Variants in LOXHD1 observed in about 807,000 individuals in gnomAD.
The protein encoded by LOXHD1 is lipoxygenase homology domain-containing protein 1.
Under a neutral mutation model 248.2 loss-of-function variants are expected in LOXHD1, and 205 were observed. The ratio of observed to expected loss-of-function variants is 0.83; its 90% confidence interval spans 0.74 to 0.93. LOXHD1 has a LOEUF of 0.93. Among genes scored for constraint, LOXHD1 ranks in the 40% least tolerant of loss-of-function variants. LOXHD1 has a pLI of 0.00. For missense variants in LOXHD1, 2,930 were observed against 2,971.6 expected (o/e 0.99, Z 0.33); for synonymous variants, 1,113 against 1,162.8 (o/e 0.96, Z 0.87).
At position 46,557,249 on chromosome 18, in the gene LOXHD1, C is replaced by T. The variant is rs961154774; in HGVS notation, c.3350+107G>A. 5.8e-6 allele frequency: 8 copies of T among 1,389,476 alleles called. No individual in the cohort carries two copies. The Admixed American group carries it at 9.9e-5, about 17-fold the overall frequency. The allele number at this position is 1,389,476 out of a possible 1,614,324, so 86.1% of individuals were successfully genotyped here. On this transcript the variant is annotated intron_variant, in intron 21 of 40. Coordinates refer to ENST00000642948, the MANE Select transcript of LOXHD1 (RefSeq NM_001384474.1). ...TGTCACCCAGCCCACCCTCACCCTC[C>T]ACCGTCACAGCCGGCCCACCCCCAG...
chr18:46,601,612 A>T, intron 7 of LOXHD1, 145 bp from the exon 8 acceptor site: 1 of 1,047,250 alleles, frequency 9.5e-7, no homozygotes, highest in Non-Finnish European at 1.4e-6. Context: ...ACTCCTCCAG[A>T]TGCCACCTAA....
chr18:46,599,076 T>G (rs28667481), intron 8 of LOXHD1, among the ~76,000 whole-genome samples: 2,067 of 152,274 alleles, frequency 0.014, 47 homozygotes, highest in African/African-American at 0.046. Context: ...GAGTGTTATA[T>G]TAGTGCAGAA....
chr18:46,500,869 T>G (rs1275666669), intron 37 of LOXHD1, among the ~76,000 whole-genome samples: 1 of 152,208 alleles, frequency 6.6e-6, no homozygotes. Flanking sequence ...ACACTTCATC[T>G]AATAGCTACT....
intron 36 of LOXHD1, 48 bp downstream of exon 36, chr18:46,507,490 C>T (rs370386856): frequency 3.6e-5 from 55 of 1,547,392 alleles, no homozygotes; most frequent in Middle Eastern, 3.3e-4. Flanking sequence ...CCGAATTTGA[C>T]GGTTGGAGTG....
At chr18:46,485,331 T>C (rs1441975416) in intron 38 of LOXHD1, among the ~76,000 whole-genome samples, 180 bp from the exon 39 acceptor site, 3 of 151,964 alleles carry the variant, frequency 2.0e-5, no homozygotes, top group African/African-American at 7.3e-5. Flanking sequence ...GCCCGGATTC[T>C]GGGGCTACAG....
At chr18:46,483,875 G>A in intron 39 of LOXHD1, 130 bp from the exon 40 acceptor site, 1 of 1,102,316 alleles carries the variant, frequency 9.1e-7, no homozygotes, top group Non-Finnish European at 1.3e-6. Flanking sequence ...AGGAGCTCAT[G>A]GCAGTCCTGG....
intron 4 of LOXHD1, among the ~76,000 whole-genome samples, chr18:46,637,423 T>A (rs2038906773): frequency 6.6e-6 from 1 of 152,210 alleles, no homozygotes; most frequent in Middle Eastern, 3.2e-3. Context: ...AGTGGAACCC[T>A]GGATTTTTGA....
At chr18:46,607,741 G>A (rs2038439564) in intron 6 of LOXHD1, among the ~76,000 whole-genome samples, 1 of 151,982 alleles carries the variant, frequency 6.6e-6, no homozygotes, top group Admixed American at 6.6e-5. Context: ...TGATGTGGTG[G>A]GAATTTGACA....
At chr18:46,603,114 G>A (rs944700876) in intron 7 of LOXHD1, among the ~76,000 whole-genome samples, 4 of 152,158 alleles carry the variant, frequency 2.6e-5, no homozygotes, top group African/African-American at 9.7e-5. Flanking sequence ...CTGCCAAGGA[G>A]CATGGAGCAA....
At position 46,647,496 on chromosome 18, in the gene LOXHD1, G is replaced by A. The variant is rs116318160; in HGVS notation, c.245+1659C>T. Among the ~76,000 whole-genome samples the A allele has an allele frequency of 2.1e-3, 319 of 152,260 alleles. 2 individuals are homozygous for A. Among genetic ancestry groups the A allele is most frequent in the Middle Eastern group, 6.8e-3 (2 of 294 alleles). On this transcript the variant is annotated intron_variant, in intron 2 of 40. Coordinates refer to ENST00000642948, the MANE Select transcript of LOXHD1 (RefSeq NM_001384474.1). ...AAGCTGGGAACTTCAGAAACCAACC[G>A]GGCGACTCCCTAGTGTTTGAGGCTT...
intron 21 of LOXHD1, among the ~76,000 whole-genome samples, chr18:46,552,428 T>G (rs2037144945): frequency 6.6e-6 from 1 of 152,186 alleles, no homozygotes; most frequent in Non-Finnish European, 1.5e-5. Context: ...TGCAGATCAA[T>G]AAACCTGCAC....
At chr18:46,591,656 C>G (rs1159014796) in intron 12 of LOXHD1, among the ~76,000 whole-genome samples, 5 of 152,204 alleles carry the variant, frequency 3.3e-5, no homozygotes. Context: ...AACTATTGCT[C>G]AGGGCAGATG....
chr18:46,579,231 G>A (rs1364565140), intron 13 of LOXHD1, among the ~76,000 whole-genome samples: 6 of 152,238 alleles, frequency 3.9e-5, no homozygotes, highest in South Asian at 2.1e-4. Context: ...TTCCCTCTCC[G>A]CCCACCCCTG....
intron 21 of LOXHD1, among the ~76,000 whole-genome samples, chr18:46,550,776 C>G (rs952736436): frequency 2.6e-5 from 4 of 152,178 alleles, no homozygotes; most frequent in Admixed American, 6.5e-5. Flanking sequence ...TGTTAGGCCA[C>G]TGGCATTTTA....
chr18:46,545,635 T>G (rs1382186244), intron 22 of LOXHD1, among the ~76,000 whole-genome samples: 1 of 124,042 alleles, frequency 8.1e-6, no homozygotes, highest in East Asian at 2.0e-4. Flanking sequence ...TTCTTTTTTT[T>G]TTTTTTTTTT....
intron 16 of LOXHD1, among the ~76,000 whole-genome samples, chr18:46,567,649 G>A (rs2037670263): frequency 6.6e-6 from 1 of 152,358 alleles, no homozygotes; most frequent in East Asian, 1.9e-4. Context: ...ACCTGACATA[G>A]ACTAATTGTT....
rs1272679665 is a variant in LOXHD1 at position 46,533,250 on chromosome 18, T to C, written c.4287A>G (p.Glu1429=). 1.3e-6 allele frequency: 2 copies of C among 1,551,624 alleles called. No individual in the cohort carries two copies. Among genetic ancestry groups the C allele is most frequent in the Non-Finnish European group, 8.7e-7 (1 of 1,147,010 alleles). Reference sequence around the variant, plus strand: ...CAGTGAAGATGTCATATGGAACCAGTTCTCGAATGGTCTTTTTGTCATCCT... The same window carrying C: ...CAGTGAAGATGTCATATGGAACCAGCTCTCGAATGGTCTTTTTGTCATCCT... ...TSEDDKKTIR[E]LVPYDIFTEK... The change falls in exon 28 of 41, where the codon GAA becomes GAG. Residue 1429 remains glutamate (E), a synonymous_variant. Coordinates refer to ENST00000642948, the MANE Select transcript of LOXHD1 (RefSeq NM_001384474.1).
intron 21 of LOXHD1, among the ~76,000 whole-genome samples, chr18:46,550,445 C>T (rs373619477): frequency 9.9e-4 from 150 of 151,380 alleles, no homozygotes; most frequent in African/African-American, 2.9e-3. Context: ...CGGTGGCGGG[C>T]GCCTGTAGTC....
At chr18:46,582,820 A>G (rs1466780267) in intron 12 of LOXHD1, among the ~76,000 whole-genome samples, 1 of 152,188 alleles carries the variant, frequency 6.6e-6, no homozygotes, top group Non-Finnish European at 1.5e-5. Flanking sequence ...GTCCAATAAT[A>G]GCTTGGGACA....
Sources: allele counts gnomAD v4.1 joint callset (sites outside exome capture counted in the v4.1 genomes callset), GRCh38; gene constraint gnomAD v4.1.1; transcripts MANE v1.5; gene names NCBI Gene and HGNC (gene_info 2026-07-23, HGNC 2026-07-21).